CHST8: variants seen among roughly 807,000 people sequenced by gnomAD.
CHST8 encodes GALNAC-4-ST1.
CHST8 carries 10 observed loss-of-function variants against 15.0 expected under a neutral mutation model. The ratio of observed to expected loss-of-function variants is 0.67; its 90% CI spans 0.41 to 1.13. The LOEUF is 1.13. CHST8 is among the 50% of genes most tolerant of loss of function. CHST8 has a pLI of 0.00. For synonymous variants in CHST8, 259 were observed against 256.6 expected, an observed-to-expected ratio of 1.01 and a Z score of -0.09; for missense variants, 634 against 608.2, an observed-to-expected ratio of 1.04 and a Z score of -0.45.
At chr19:33,690,410 G>A (rs780309825) in intron 3 of CHST8, among the ~76,000 whole-genome samples, 17 of 152,276 alleles carry the variant, frequency 1.1e-4, no homozygotes, top group Non-Finnish European at 1.6e-4. Context: ...CTCTGCAACC[G>A]CTCCGCCCCC....
chr19:33,769,641 C>G (rs576183391), intron 3 of CHST8, among the ~76,000 whole-genome samples: 79 of 152,068 alleles, frequency 5.2e-4, no homozygotes, highest in African/African-American at 9.4e-4. Context: ...AGACTCTGGG[C>G]ATGGCAGGGG....
At chr19:33,715,720 C>T (rs962057091) in intron 3 of CHST8, among the ~76,000 whole-genome samples, 11 of 152,208 alleles carry the variant, frequency 7.2e-5, no homozygotes, top group Non-Finnish European at 1.2e-4. Context: ...CATGAGCTTA[C>T]GATCATGTCC....
intron 3 of CHST8, chr19:33,744,360 A>G (rs1974269238): frequency 6.6e-6 from 1 of 152,158 alleles, no homozygotes. Flanking sequence ...TCTTCAATTA[A>G]TGGAAGACCA....
chr19:33,721,492 G>A (rs1973787625), intron 3 of CHST8, among the ~76,000 whole-genome samples: 1 of 152,052 alleles, frequency 6.6e-6, no homozygotes, highest in South Asian at 2.1e-4. Context: ...CATGGATGGT[G>A]AGTGGGAAGA....
intron 2 of CHST8, among the ~76,000 whole-genome samples, chr19:33,676,885 GA>G (rs563989466): frequency 1.3e-3 from 168 of 127,118 alleles, no homozygotes; most frequent in East Asian, 2.1e-3. Context: ...TCTTAAAAAA[GA>G]AAAAAAAAAA....
At chr19:33,694,389 G>A (rs546142682) in intron 3 of CHST8, among the ~76,000 whole-genome samples, 9 of 151,260 alleles carry the variant, frequency 6.0e-5, no homozygotes, top group African/African-American at 2.2e-4. Context: ...GTGCCCAGTG[G>A]GGAGGCAGCT....
intron 3 of CHST8, among the ~76,000 whole-genome samples, chr19:33,768,156 T>C (rs951948823): frequency 6.6e-6 from 1 of 152,164 alleles, no homozygotes; most frequent in African/African-American, 2.4e-5. Flanking sequence ...CCAGCAGTGG[T>C]TTTTGCTTCA....
chr19:33,633,384 A>G (rs568384793), intron 1 of CHST8, among the ~76,000 whole-genome samples: 2 of 152,098 alleles, frequency 1.3e-5, no homozygotes, highest in South Asian at 4.2e-4. Flanking sequence ...TCTCTTAGTG[A>G]TATGTACACA....
intron 3 of CHST8, among the ~76,000 whole-genome samples, chr19:33,729,502 C>G (rs1346701645): frequency 6.6e-6 from 1 of 152,228 alleles, no homozygotes; most frequent in Non-Finnish European, 1.5e-5. Flanking sequence ...ACGCTAGCCT[C>G]CAAGTCCAGC....
At chr19:33,623,484 T>C (rs963689476) in intron 1 of CHST8, among the ~76,000 whole-genome samples, 5 of 152,272 alleles carry the variant, frequency 3.3e-5, no homozygotes, top group African/African-American at 1.2e-4. Context: ...TTGGAGTGGA[T>C]GGTGGAGAGG....
At chr19:33,664,656 A>G (rs1972631186) in intron 1 of CHST8, among the ~76,000 whole-genome samples, 1 of 152,020 alleles carries the variant, frequency 6.6e-6, no homozygotes, top group Admixed American at 6.6e-5. Flanking sequence ...TTTAAAAAAA[A>G]TTATACTGCC....
chr19:33,717,199 G>A (rs1049797712), intron 3 of CHST8, among the ~76,000 whole-genome samples: 1 of 152,192 alleles, frequency 6.6e-6, no homozygotes, highest in Non-Finnish European at 1.5e-5. Context: ...GGTGGCTCAT[G>A]CTTATAATCC....
chr19:33,624,663 G>A lies in CHST8; in HGVS notation c.-164+2367G>A, dbSNP rs528086289. 2.4e-3 allele frequency among the ~76,000 whole-genome samples: 362 copies of A among 152,310 alleles called. 2 individuals are homozygous for A. The highest frequency in any genetic ancestry group is 3.9e-3 in the Non-Finnish European group (267 of 68,032). The stretch of plus-strand genomic sequence containing the variant: ...TTTGTCTTCAGTTCTCTTAAAAAGG[G>A]GAGAGTCAGATTTGCCTGATTGGAA... On this transcript the variant is annotated intron_variant, in intron 1 of 4. Coordinates refer to ENST00000650847, the MANE Select transcript of CHST8 (RefSeq NM_001127895.2).
At chr19:33,768,823 G>A (rs1280212636) in intron 3 of CHST8, among the ~76,000 whole-genome samples, 5 of 152,202 alleles carry the variant, frequency 3.3e-5, no homozygotes, top group Non-Finnish European at 1.5e-5. Context: ...GCTGCCGTAA[G>A]TCTAAGGGTT....
At chr19:33,765,054 A>ATC (rs1974806001) in intron 3 of CHST8, among the ~76,000 whole-genome samples, 1 of 119,808 alleles carries the variant, frequency 8.3e-6, no homozygotes, top group Non-Finnish European at 1.8e-5. Context: ...CTATTCCATC[A>ATC]TATATATATA....
intron 1 of CHST8, among the ~76,000 whole-genome samples, chr19:33,628,030 C>T (rs1448409746): frequency 1.3e-5 from 2 of 151,912 alleles, no homozygotes; most frequent in Non-Finnish European, 2.9e-5. Context: ...TGAGACCTAC[C>T]AAAGAGCAAT....
chr19:33,625,149 G>A (rs555812064), intron 1 of CHST8, among the ~76,000 whole-genome samples: 2 of 151,158 alleles, frequency 1.3e-5, no homozygotes, highest in Non-Finnish European at 2.9e-5. Flanking sequence ...GCAATGTTGC[G>A]ATCTCTGTTT....
chr19:33,647,205 C>T (rs546306312), intron 1 of CHST8, among the ~76,000 whole-genome samples: 1 of 152,094 alleles, frequency 6.6e-6, no homozygotes, highest in Non-Finnish European at 1.5e-5. Context: ...TAACTGAGAG[C>T]GGGAATATTC....
At chr19:33,694,196 AT>A (rs1331999890) in intron 3 of CHST8, among the ~76,000 whole-genome samples, 7 of 112,040 alleles carry the variant, frequency 6.2e-5, no homozygotes, top group African/African-American at 2.4e-4. Flanking sequence ...ATATATATAT[AT>A]ATATATATAT....
Sources: allele counts gnomAD v4.1 joint callset (sites outside exome capture counted in the v4.1 genomes callset), GRCh38; gene constraint gnomAD v4.1.1; transcripts MANE v1.5; gene names NCBI Gene and HGNC (gene_info 2026-07-23, HGNC 2026-07-21).